The following PTBP2 variants were observed in gnomAD, a reference collection of about 807,000 sequenced individuals.
PTBP2 encodes the protein polypyrimidine tract binding protein 2.
A neutral mutation model predicts 61.4 loss-of-function variants in PTBP2; 13 were observed. The observed-to-expected ratio is 0.21, with a 90% CI of 0.14 to 0.34. PTBP2 has a LOEUF of 0.34. PTBP2 is among the 10% of genes least tolerant of loss of function. The probability of loss-of-function intolerance (pLI) is 1.00; values close to 1 mark genes in which losing one functional copy is unlikely to be tolerated. For missense variants in PTBP2, 405 were observed against 642.6 expected, an observed-to-expected ratio of 0.63 and a Z score of 4.00; for synonymous variants, 215 against 218.5, an observed-to-expected ratio of 0.98 and a Z score of 0.14.
At chr1:96,800,453 C>G (rs1242295242) in intron 8 of PTBP2, among the ~76,000 whole-genome samples, 3 of 147,208 alleles carry the variant, frequency 2.0e-5, no homozygotes, top group Non-Finnish European at 4.5e-5. Context: ...GGCTTTAGAC[C>G]AGGTGTTGTG....
At chr1:96,757,715 T>A (rs531824699) in intron 3 of PTBP2, among the ~76,000 whole-genome samples, 1 of 152,284 alleles carries the variant, frequency 6.6e-6, no homozygotes, top group Admixed American at 6.5e-5. Context: ...TTCAAATGAT[T>A]GACAGCTAAT....
At chr1:96,801,677 A>G (rs988003682) in intron 8 of PTBP2, among the ~76,000 whole-genome samples, 2 of 151,698 alleles carry the variant, frequency 1.3e-5, no homozygotes, top group African/African-American at 2.4e-5. Context: ...CCTGGCCAAC[A>G]TGGTGAAACC....
chr1:96,822,573 C>G (rs2101327217), exon 14 of PTBP2: 1 of 152,176 alleles, frequency 6.6e-6, no homozygotes, highest in South Asian at 2.1e-4. Context: ...TTAAAATATC[C>G]CTTTTGAATT....
intron 2 of PTBP2, among the ~76,000 whole-genome samples, chr1:96,749,118 A>G (rs1378797693): frequency 6.6e-6 from 1 of 152,156 alleles, no homozygotes; most frequent in African/African-American, 2.4e-5. Context: ...AAAAAATGGA[A>G]AGACTTTTCC....
At position 96,800,415 on chromosome 1, in the gene PTBP2, A is replaced by G. The variant is rs12756187; in HGVS notation, c.905-4385A>G. On this transcript the variant is annotated intron_variant, in intron 8 of 13. Coordinates refer to ENST00000674951, the MANE Select transcript of PTBP2 (RefSeq NM_021190.4). ...TCTGGCTTTTTTTTTTTTTTTTTTT[A>G]ATGTTTCAGATCTGTCACACTAAAA... Among the ~76,000 whole-genome samples the G allele has an allele frequency of 1.7e-3, 149 of 87,174 alleles. 1 individual carries two copies. Among genetic ancestry groups the G allele is most frequent in the Non-Finnish European group, 2.6e-3 (112 of 42,986 alleles). The allele number at this position is 87,174 out of a possible 152,430, so 57.2% of individuals were successfully genotyped here.
At chr1:96,737,631 AATG>A (rs1340663654) in intron 2 of PTBP2, among the ~76,000 whole-genome samples, 2 of 152,222 alleles carry the variant, frequency 1.3e-5, no homozygotes, top group Non-Finnish European at 2.9e-5. Flanking sequence ...AAAAACAAGT[AATG>A]ATGAGGAAAA....
intron 3 of PTBP2, 70 bp from the exon 4 acceptor site, chr1:96,769,633 T>TA: frequency 8.5e-7 from 1 of 1,170,630 alleles, no homozygotes; most frequent in South Asian, 2.8e-5. Flanking sequence ...GTAGTTTTTT[T>TA]ACACAAATAG....
intron 8 of PTBP2, among the ~76,000 whole-genome samples, chr1:96,797,998 C>A (rs531788282): frequency 1.8e-4 from 28 of 151,414 alleles, no homozygotes; most frequent in African/African-American, 6.5e-4. Flanking sequence ...AAGGCGTGAA[C>A]CCGGGAGGTG....
chr1:96,782,574 G>A (rs1214250379), intron 7 of PTBP2, among the ~76,000 whole-genome samples: 1 of 151,922 alleles, frequency 6.6e-6, no homozygotes, highest in African/African-American at 2.4e-5. Context: ...CCAGGGTGGG[G>A]TTATTTGATA....
At chr1:96,786,182 C>A (rs114994112) in intron 8 of PTBP2, among the ~76,000 whole-genome samples, 1,740 of 152,106 alleles carry the variant, frequency 0.011, 38 homozygotes, top group African/African-American at 0.04. Flanking sequence ...ATTTACTTCC[C>A]AATATATAAC....
At chr1:96,767,076 A>G (rs1023797437) in intron 3 of PTBP2, among the ~76,000 whole-genome samples, 4 of 152,176 alleles carry the variant, frequency 2.6e-5, no homozygotes, top group Non-Finnish European at 5.9e-5. Flanking sequence ...AATATTAAAT[A>G]TTGATGCAAA....
chr1:96,806,768 C>G, intron 10 of PTBP2, 98 bp from the exon 11 acceptor site: 1 of 850,052 alleles, frequency 1.2e-6, no homozygotes, highest in South Asian at 1.5e-5. Context: ...ATGTTGATGT[C>G]TGAATGTTTC....
chr1:96,725,091 A>G (rs942500009), intron 2 of PTBP2, among the ~76,000 whole-genome samples: 4 of 152,194 alleles, frequency 2.6e-5, no homozygotes, highest in African/African-American at 9.7e-5. Flanking sequence ...AAAATCAGGA[A>G]TAGCTAAAGA....
At chr1:96,758,916 C>T (rs977637690) in intron 3 of PTBP2, among the ~76,000 whole-genome samples, 1 of 152,094 alleles carries the variant, frequency 6.6e-6, no homozygotes, top group African/African-American at 2.4e-5. Context: ...AAGGACTCTA[C>T]AACAGATTTG....
At chr1:96,804,176 C>T (rs1557773569) in intron 8 of PTBP2, among the ~76,000 whole-genome samples, 1 of 152,068 alleles carries the variant, frequency 6.6e-6, no homozygotes, top group East Asian at 1.9e-4. Context: ...TTCTTTCAAC[C>T]GGGAGAGTGT....
At chr1:96,816,227 A>T (rs1033927501), downstream of PTBP2, 4 of 152,204 alleles carry the variant, frequency 2.6e-5, no homozygotes, top group African/African-American at 9.7e-5. Flanking sequence ...CAAAGCACCA[A>T]GTCACTAAAG....
chr1:96,722,402 C>A (rs1027123077), intron 1 of PTBP2, among the ~76,000 whole-genome samples: 5 of 142,146 alleles, frequency 3.5e-5, no homozygotes, highest in Admixed American at 2.1e-4. Flanking sequence ...ATGCCGGTGG[C>A]GGGAGCTCCG....
rs559021422 is a variant in PTBP2, at chr1:96,786,189, T to A, written c.904+935T>A. ...TTGGAAATATTTACTTCCCAATATA[T>A]AACAGTCATGCCATCAGTTTGTGAA... On this transcript the variant is annotated intron_variant, in intron 8 of 13. Coordinates refer to ENST00000674951, the MANE Select transcript of PTBP2 (RefSeq NM_021190.4). Among the ~76,000 whole-genome samples, 10 of 152,314 alleles carry A rather than the reference T, an allele frequency of 6.6e-5. No individual in the cohort carries two copies. The South Asian group carries it at 2.1e-3, about 32-fold the overall frequency.
intron 2 of PTBP2, among the ~76,000 whole-genome samples, chr1:96,732,728 G>T (rs1252821306): frequency 6.6e-6 from 1 of 152,244 alleles, no homozygotes. Context: ...GACCTAGCTA[G>T]ATTGGGAGAT....
Sources: allele counts gnomAD v4.1 joint callset (sites outside exome capture counted in the v4.1 genomes callset), GRCh38; gene constraint gnomAD v4.1.1; transcripts MANE v1.5; gene names NCBI Gene and HGNC (gene_info 2026-07-23, HGNC 2026-07-21).